Variants in PIEZO2 observed in about 807,000 individuals in gnomAD.
PIEZO2 encodes the protein piezo type mechanosensitive ion channel component 2.
In PIEZO2, 172 loss-of-function variants were observed where a neutral mutation model predicts 337.3. The ratio of observed to expected loss-of-function variants is 0.51; its 90% CI spans 0.45 to 0.58. The LOEUF (loss-of-function observed/expected upper bound fraction) is 0.58, where lower values mean the gene tolerates loss of function less well. Among genes scored for constraint, PIEZO2 ranks in the 20% least tolerant of loss-of-function variants. The pLI, the probability that PIEZO2 is intolerant of heterozygous loss-of-function variation, is 0.00. For synonymous variants in PIEZO2, 1,251 were observed against 1,228.5 expected, an observed-to-expected ratio of 1.02 and a Z score of -0.38; for missense variants, 3,028 against 3,391.3, an observed-to-expected ratio of 0.89 and a Z score of 2.66.
rs533760565 is a variant in PIEZO2 at position 10,797,304 on chromosome 18, C to T, written c.1527+70G>A. On this transcript the variant is annotated intron_variant, in intron 12 of 55. Transcript: ENST00000674853. The stretch of plus-strand genomic sequence containing the variant: ...ATATGTACCATCATATTATACATAC[C>T]GTCATGGCACACATACCATCATATC... 64 of 1,266,230 alleles carry T rather than the reference C, an allele frequency of 5.1e-5. 3 individuals are homozygous for T. Among genetic ancestry groups the T allele is most frequent in the African/African-American group, 2.1e-4 (15 of 69,772 alleles). 78.4% of individuals were successfully genotyped at this position (1,266,230 alleles called of 1,614,324 possible).
intron 3 of PIEZO2, among the ~76,000 whole-genome samples, chr18:10,920,384 G>A (rs561421138): frequency 6.6e-6 from 1 of 152,206 alleles, no homozygotes; most frequent in Admixed American, 6.5e-5. Context: ...GGAACAGTTA[G>A]GGACTGAAAA....
chr18:10,858,103 C>T (rs1438969163), intron 5 of PIEZO2, among the ~76,000 whole-genome samples: 1 of 149,588 alleles, frequency 6.7e-6, no homozygotes, highest in Non-Finnish European at 1.5e-5. Context: ...GGCCAGATCA[C>T]GAAGTCAAGA....
At chr18:10,907,097 T>C (rs2145045678) in intron 4 of PIEZO2, among the ~76,000 whole-genome samples, 1 of 152,272 alleles carries the variant, frequency 6.6e-6, no homozygotes, top group African/African-American at 2.4e-5. Context: ...ACTGAAGAAT[T>C]TAGAAGCCCA....
chr18:10,829,758 A>G (rs904948122), intron 7 of PIEZO2, among the ~76,000 whole-genome samples: 4 of 152,190 alleles, frequency 2.6e-5, no homozygotes, highest in Non-Finnish European at 5.9e-5. Context: ...AAAGATCTCT[A>G]CAATGAAAAC....
chr18:11,070,769 C>T lies in PIEZO2; in HGVS notation c.65-4547G>A, dbSNP rs1033402913. 6.6e-6 allele frequency among the ~76,000 whole-genome samples: 1 copy of T among 152,098 alleles called. No individual in the cohort carries two copies. The highest frequency in any genetic ancestry group is 2.4e-5 in the African/African-American group (1 of 41,402). On this transcript the variant is annotated intron_variant, in intron 1 of 55. Coordinates refer to ENST00000674853, the MANE Select transcript of PIEZO2 (RefSeq NM_001378183.1). The surrounding 1 kb of genome is among the most constrained non-coding windows in gnomAD (Gnocchi z 4.3). ...AAGCTGGAAGCAAGAAGGGGAGGCC[C>T]GGGAGACTGAGCAGAGGACGCCAGG...
At chr18:10,820,878 T>C (rs933143935) in intron 7 of PIEZO2, among the ~76,000 whole-genome samples, 2 of 152,094 alleles carry the variant, frequency 1.3e-5, no homozygotes, top group Non-Finnish European at 1.5e-5. Context: ...CCCAGTAGAG[T>C]AGAAGAATTC....
rs1213069188 is a variant in PIEZO2 at position 11,131,155 on chromosome 18, A to G, written c.64+17370T>C. The stretch of plus-strand genomic sequence containing the variant: ...TTTGGTGGAAACTGAATGTTTGACT[A>G]TCGGTCATCAAGTCACCATGCGACC... On this transcript the variant is annotated intron_variant, in intron 1 of 55. Coordinates refer to ENST00000674853, the MANE Select transcript of PIEZO2 (RefSeq NM_001378183.1). The surrounding 1 kb of genome is among the most constrained non-coding windows in gnomAD (Gnocchi z 5.3). Among the ~76,000 whole-genome samples, 2 of 152,230 alleles carry G rather than the reference A, an allele frequency of 1.3e-5. No individual in the cohort carries two copies. The highest frequency in any genetic ancestry group is 2.9e-5 in the Non-Finnish European group (2 of 68,040).
At chr18:10,842,917 C>A (rs2041240201) in intron 7 of PIEZO2, among the ~76,000 whole-genome samples, 2 of 152,200 alleles carry the variant, frequency 1.3e-5, no homozygotes, top group African/African-American at 4.8e-5. Flanking sequence ...GTAGCAAATT[C>A]TGTAGGGAAA....
Position 10,759,782 on chromosome 18 carries a change from T to G in PIEZO2, c.3578A>C (p.Lys1193Thr). The change falls in exon 25 of 56, where the codon AAG (lysine) becomes ACG (threonine). Residue 1193 changes from lysine (K) to threonine (T), a missense_variant. By Grantham distance (78) the Lys-to-Thr change is moderately conservative (BLOSUM62 -1). Coordinates refer to ENST00000674853, the MANE Select transcript of PIEZO2 (RefSeq NM_001378183.1). This position sits in a 1 kb window ranked among gnomAD's most constrained non-coding sequence, Gnocchi z 5.5. Reference protein sequence around the residue: ...RRKAIAEIWPKYCCFLACIIT... With the variant: ...RRKAIAEIWPTYCCFLACIIT... ...GATGCATGCCAGGAAGCAGCAGTAC[T>G]TGGGCCAGATCTCTGCGATGGCTTT... is the stretch of plus-strand genomic sequence containing the variant. 2 of 1,537,338 alleles carry G rather than the reference T, an allele frequency of 1.3e-6. No homozygotes were observed. Among genetic ancestry groups the G allele is most frequent in the Non-Finnish European group, 8.7e-7 (1 of 1,146,930 alleles).
intron 2 of PIEZO2, among the ~76,000 whole-genome samples, chr18:11,010,904 A>T (rs1315531330): frequency 1.3e-5 from 2 of 152,252 alleles, no homozygotes; most frequent in Admixed American, 1.3e-4. Context: ...TTAACTTTCT[A>T]ATGAATCTAC....
intron 3 of PIEZO2, among the ~76,000 whole-genome samples, chr18:10,937,227 C>T (rs1446970655): frequency 6.6e-6 from 1 of 152,146 alleles, no homozygotes; most frequent in South Asian, 2.1e-4. Context: ...TGAAGAGTGA[C>T]CTCCCTTGGG....
chr18:10,702,804 C>T (rs2035399601), intron 42 of PIEZO2, among the ~76,000 whole-genome samples: 3 of 152,170 alleles, frequency 2.0e-5, no homozygotes, highest in Non-Finnish European at 4.4e-5. Context: ...CTTCAGTCCT[C>T]AGTGCAATGT....
At chr18:11,030,244 A>G (rs1023453840) in intron 2 of PIEZO2, among the ~76,000 whole-genome samples, 1 of 152,246 alleles carries the variant, frequency 6.6e-6, no homozygotes, top group African/African-American at 2.4e-5. Flanking sequence ...AGGTGTGATG[A>G]AAATGACAAC....
Position 10,846,466 on chromosome 18 carries a change from A to G in PIEZO2, c.917+8887T>C, listed in dbSNP as rs1041129919. Among the ~76,000 whole-genome samples, 2 of 152,222 alleles carry G rather than the reference A, an allele frequency of 1.3e-5. No homozygotes were observed. Among genetic ancestry groups the G allele is most frequent in the African/African-American group, 4.8e-5 (2 of 41,450 alleles). ...TTTTACATTATTCTGATATATAAGG[A>G]GATAAAATACAAGGGTTTTAGGAAA... On this transcript the variant is annotated intron_variant, in intron 7 of 55. Coordinates refer to ENST00000674853, the MANE Select transcript of PIEZO2 (RefSeq NM_001378183.1). The surrounding 1 kb of genome is among the most constrained non-coding windows in gnomAD (Gnocchi z 4.1).
intron 2 of PIEZO2, among the ~76,000 whole-genome samples, chr18:11,017,614 T>C (rs2036162349): frequency 2.0e-5 from 3 of 152,138 alleles, no homozygotes; most frequent in Admixed American, 2.0e-4. Context: ...TCAGAGTTTA[T>C]GGGTGTTGTA....
intron 36 of PIEZO2, among the ~76,000 whole-genome samples, chr18:10,718,615 A>AACAGTCAT (rs2036113280): frequency 6.6e-6 from 1 of 152,246 alleles, no homozygotes; most frequent in South Asian, 2.1e-4. Context: ...ATGTGAAATT[A>AACAGTCAT]ACAGTCATGC....
At position 10,942,404 on chromosome 18, in the gene PIEZO2, G is replaced by A. The variant is rs1241579291; in HGVS notation, c.287-31176C>T. Among the ~76,000 whole-genome samples the A allele has an allele frequency of 6.6e-6, 1 of 152,206 alleles. No individual in the cohort carries two copies. The highest frequency in any genetic ancestry group is 2.4e-5 in the African/African-American group (1 of 41,454). On this transcript the variant is annotated intron_variant, in intron 3 of 55. Transcript: ENST00000674853. This position sits in a 1 kb window ranked among gnomAD's most constrained non-coding sequence, Gnocchi z 4.4. ...TGAAATCCAGGCTGAGGTGGTCTCAGATGTAGATGAGGAACTTGTTGGGAA... is the reference window on the plus strand; with the variant it reads ...TGAAATCCAGGCTGAGGTGGTCTCAAATGTAGATGAGGAACTTGTTGGGAA...
At position 11,021,740 on chromosome 18, in the gene PIEZO2, T is replaced by C. The variant is rs1211351192; in HGVS notation, c.161-42080A>G. ...GCCTTCACAAGTTCATTCTATTCAA[T>C]GTATGAGTCTGAGCACCTGCAGTGT... On this transcript the variant is annotated intron_variant, in intron 2 of 55. Coordinates refer to ENST00000674853, the MANE Select transcript of PIEZO2 (RefSeq NM_001378183.1). The surrounding 1 kb of genome is among the most constrained non-coding windows in gnomAD (Gnocchi z 4.7). Among the ~76,000 whole-genome samples, 1 of 152,194 alleles carries C rather than the reference T, an allele frequency of 6.6e-6. No homozygotes were observed. Among genetic ancestry groups the C allele is most frequent in the Non-Finnish European group, 1.5e-5 (1 of 68,040 alleles).
chr18:10,855,990 A>T lies in PIEZO2; in HGVS notation c.704-424T>A, dbSNP rs8086067. On this transcript the variant is annotated intron_variant, in intron 6 of 55. Transcript: ENST00000674853. The surrounding 1 kb of genome is among the most constrained non-coding windows in gnomAD (Gnocchi z 4.9). ...TAATAATTTACTACTTTTTTTTTTTAAGTTAACTAGTACATCCTGGCCAAT... is the reference window on the plus strand; with the variant it reads ...TAATAATTTACTACTTTTTTTTTTTTAGTTAACTAGTACATCCTGGCCAAT... Among the ~76,000 whole-genome samples, 50,174 of 140,094 alleles carry T rather than the reference A, an allele frequency of 0.36. 9,338 individuals carry two copies. The highest frequency in any genetic ancestry group is 0.59 in the African/African-American group (21,148 of 35,720). 91.9% of individuals were successfully genotyped at this position (140,094 alleles called of 152,430 possible).
Sources: gnomAD v4.1 joint callset for allele counts (sites outside exome capture counted in the v4.1 genomes callset) on GRCh38, gnomAD v4.1.1 for gene constraint, Gnocchi (gnomAD v3.1) non-coding constraint, MANE v1.5 for transcripts, NCBI Gene and HGNC (gene_info 2026-07-23, HGNC 2026-07-21) for gene names.